Variants in ANGPT1 observed in about 807,000 individuals in gnomAD.
ANGPT1 encodes the protein angiopoietin 1, also known as angiopoietin-1.
In ANGPT1, 17 loss-of-function variants were observed where a neutral mutation model predicts 62.2. The observed-to-expected ratio is 0.27, with a 90% CI of 0.19 to 0.41. The LOEUF (loss-of-function observed/expected upper bound fraction) is 0.41. Ranked by LOEUF, ANGPT1 falls within the 10% of genes least tolerant of loss-of-function variation. The pLI is 1.00. For synonymous variants in ANGPT1, 199 were observed against 198.9 expected (o/e 1.00, Z 0.00); for missense variants, 478 against 594.9 (o/e 0.80, Z 2.04).
intron 1 of ANGPT1, among the ~76,000 whole-genome samples, chr8:107,471,104 A>G (rs2130497556): frequency 6.6e-6 from 1 of 152,278 alleles, no homozygotes; most frequent in East Asian, 1.9e-4. Flanking sequence ...ACGTATGTTT[A>G]TTGTGGCACT....
At chr8:107,452,314 C>G (rs916811822) in intron 1 of ANGPT1, among the ~76,000 whole-genome samples, 4 of 151,436 alleles carry the variant, frequency 2.6e-5, no homozygotes, top group Non-Finnish European at 4.4e-5. Context: ...TACGGAGAGA[C>G]CATGGACCAT....
At chr8:107,349,157 G>GATAGATAT (rs1162362485) in intron 1 of ANGPT1, among the ~76,000 whole-genome samples, 36 of 152,118 alleles carry the variant, frequency 2.4e-4, no homozygotes, top group Non-Finnish European at 3.8e-4. Context: ...TAGATAGATA[G>GATAGATAT]ATAGATAGAT....
intron 7 of ANGPT1, among the ~76,000 whole-genome samples, chr8:107,267,329 T>A (rs891012109): frequency 3.3e-5 from 5 of 152,138 alleles, no homozygotes; most frequent in African/African-American, 1.2e-4. Flanking sequence ...TCATCAATAG[T>A]CACAAGACTA....
At chr8:107,356,666 G>C (rs984968273) in intron 1 of ANGPT1, among the ~76,000 whole-genome samples, 1 of 152,198 alleles carries the variant, frequency 6.6e-6, no homozygotes, top group African/African-American at 2.4e-5. Flanking sequence ...GATAAGAAAG[G>C]ACTCTGGGAA....
intron 1 of ANGPT1, among the ~76,000 whole-genome samples, chr8:107,385,159 T>A (rs1213600406): frequency 6.6e-6 from 1 of 152,082 alleles, no homozygotes; most frequent in Admixed American, 6.6e-5. Flanking sequence ...GTTTTCCAGT[T>A]CCATGAAAAA....
At chr8:107,329,884 T>C in intron 3 of ANGPT1, among the ~76,000 whole-genome samples, 1 of 152,036 alleles carries the variant, frequency 6.6e-6, no homozygotes, top group East Asian at 1.9e-4. Context: ...ATAGTATGGA[T>C]ATAGATAAAT....
chr8:107,294,099 C>G (rs1482639838), intron 5 of ANGPT1, 62 bp from the exon 6 acceptor site: 1 of 1,361,694 alleles, frequency 7.3e-7, no homozygotes, highest in Non-Finnish European at 1.0e-6. Flanking sequence ...ATATATCCTA[C>G]ATGTTTCAAA....
At chr8:107,293,782 G>C (rs1241148006) in intron 6 of ANGPT1, among the ~76,000 whole-genome samples, 154 bp downstream of exon 6, 1 of 152,116 alleles carries the variant, frequency 6.6e-6, no homozygotes, top group Non-Finnish European at 1.5e-5. Context: ...AGTGATTTAT[G>C]AGTGTTTTGT....
intron 1 of ANGPT1, among the ~76,000 whole-genome samples, chr8:107,359,722 T>C (rs1816120145): frequency 6.6e-6 from 1 of 152,198 alleles, no homozygotes; most frequent in Non-Finnish European, 1.5e-5. Flanking sequence ...TTTAGCATGT[T>C]CTCAATTATG....
intron 1 of ANGPT1, among the ~76,000 whole-genome samples, chr8:107,444,934 G>A (rs1348984253): frequency 6.6e-6 from 1 of 152,160 alleles, no homozygotes; most frequent in Non-Finnish European, 1.5e-5. Flanking sequence ...GGCAAAAGGA[G>A]ATTTACATCA....
chr8:107,353,390 G>C (rs1448348498), intron 1 of ANGPT1, among the ~76,000 whole-genome samples: 1 of 152,122 alleles, frequency 6.6e-6, no homozygotes, highest in African/African-American at 2.4e-5. Flanking sequence ...CAACAACAAT[G>C]GCTGTCGGTA....
chr8:107,423,827 CTTTTTTTTTTTTTTT>C (rs869079818), intron 1 of ANGPT1, among the ~76,000 whole-genome samples: 8 of 74,438 alleles, frequency 1.1e-4, no homozygotes, highest in African/African-American at 4.0e-4. Flanking sequence ...CTTTTCCTTT[CTTTTTTTTTTTTTTT>C]TTTTTTTTTT....
chr8:107,419,315 G>A (rs969377071), intron 1 of ANGPT1, among the ~76,000 whole-genome samples: 1 of 152,068 alleles, frequency 6.6e-6, no homozygotes, highest in African/African-American at 2.4e-5. Flanking sequence ...TCTGAAGTAG[G>A]TCATAAAACT....
intron 7 of ANGPT1, among the ~76,000 whole-genome samples, chr8:107,273,526 T>C (rs1257762271): frequency 6.6e-6 from 1 of 151,988 alleles, no homozygotes; most frequent in African/African-American, 2.4e-5. Context: ...AGTAAAGCCC[T>C]GCATACAAGA....
chr8:107,448,711 A>T (rs983134962), intron 1 of ANGPT1, among the ~76,000 whole-genome samples: 2 of 152,156 alleles, frequency 1.3e-5, no homozygotes, highest in African/African-American at 4.8e-5. Context: ...CCAAATCAGG[A>T]TTATCTATAA....
intron 1 of ANGPT1, among the ~76,000 whole-genome samples, chr8:107,391,467 G>A (rs980829455): frequency 6.6e-6 from 1 of 152,130 alleles, no homozygotes; most frequent in African/African-American, 2.4e-5. Flanking sequence ...AGGAGTTTGA[G>A]ACCAGCCTGG....
chr8:107,478,162 T>C lies in ANGPT1; in HGVS notation c.297+19100A>G, dbSNP rs535307683. 7.3e-4 allele frequency among the ~76,000 whole-genome samples: 111 copies of C among 151,342 alleles called. No homozygotes were observed. In the South Asian group the frequency reaches 8.6e-3, roughly 12 times the overall value. On this transcript the variant is annotated intron_variant, in intron 1 of 8. Transcript: ENST00000517746. ...TTTTGAAAAATAATGAAAATTTTAATATGGTCAAAATTTCATGGAGTCAAG... is the reference window on the plus strand; with the variant it reads ...TTTTGAAAAATAATGAAAATTTTAACATGGTCAAAATTTCATGGAGTCAAG...
chr8:107,370,638 G>A (rs1197186688), intron 1 of ANGPT1, among the ~76,000 whole-genome samples: 1 of 146,140 alleles, frequency 6.8e-6, no homozygotes, highest in Non-Finnish European at 1.5e-5. Flanking sequence ...AGGAGGTAGA[G>A]GTTGCAGTGA....
intron 4 of ANGPT1, among the ~76,000 whole-genome samples, chr8:107,317,634 A>ATT (rs34242211): frequency 7.5e-6 from 1 of 134,146 alleles, no homozygotes. Context: ...TTTTATTTTT[A>ATT]TTTTTTTTTT....
Sources: allele counts gnomAD v4.1 joint callset (sites outside exome capture counted in the v4.1 genomes callset), GRCh38; gene constraint gnomAD v4.1.1; transcripts MANE v1.5; gene names NCBI Gene and HGNC (gene_info 2026-07-23, HGNC 2026-07-21).